GALK2: variants seen among roughly 807,000 people sequenced by gnomAD.
The protein encoded by GALK2 is N-acetylgalactosamine kinase.
Under a neutral mutation model 52.4 loss-of-function variants are expected in GALK2, and 36 were observed. That is an observed-to-expected ratio of 0.69 (90% CI 0.53 to 0.91). The LOEUF (loss-of-function observed/expected upper bound fraction) is 0.91, where lower values mean the gene tolerates loss of function less well. Ranked by LOEUF, GALK2 falls within the 40% of genes least tolerant of loss-of-function variation. The pLI, the probability that GALK2 is intolerant of heterozygous loss-of-function variation, is 0.00. For synonymous variants in GALK2, 176 were observed against 199.1 expected, an observed-to-expected ratio of 0.88 and a Z score of 0.98; for missense variants, 579 against 559.1, an observed-to-expected ratio of 1.04 and a Z score of -0.36.
intron 3 of GALK2, among the ~76,000 whole-genome samples, chr15:49,220,764 A>G (rs2089737980): frequency 6.6e-6 from 1 of 152,142 alleles, no homozygotes; most frequent in Non-Finnish European, 1.5e-5. Flanking sequence ...TCTTATTAGT[A>G]ATAGCCATTC....
chr15:49,355,307 A>G (rs1372542786), intron 3 of GALK2, among the ~76,000 whole-genome samples: 1 of 152,220 alleles, frequency 6.6e-6, no homozygotes, highest in Admixed American at 6.5e-5. Context: ...ACGGGAGGAC[A>G]TTCAAACCAA....
At chr15:49,189,506 A>G (rs539682070) in intron 1 of GALK2, among the ~76,000 whole-genome samples, 3 of 152,318 alleles carry the variant, frequency 2.0e-5, no homozygotes, top group East Asian at 3.9e-4. Context: ...ATAAATACCT[A>G]TGATAAAGTT....
intron 8 of GALK2, chr15:49,318,015 AC>A (rs1028754556): frequency 3.3e-5 from 5 of 152,104 alleles, no homozygotes; most frequent in Non-Finnish European, 5.9e-5. Flanking sequence ...TATGTAACAA[AC>A]CTGCACATTC....
intron 1 of GALK2, among the ~76,000 whole-genome samples, chr15:49,178,158 A>C (rs1595891473): frequency 9.2e-6 from 1 of 109,164 alleles, no homozygotes; most frequent in African/African-American, 3.6e-5. Context: ...ACAGAGCAAG[A>C]CTCTGTTTCA....
intron 3 of GALK2, among the ~76,000 whole-genome samples, chr15:49,347,707 A>G (rs186747652): frequency 3.5e-4 from 53 of 152,312 alleles, no homozygotes; most frequent in Admixed American, 2.9e-3. Flanking sequence ...ATAACCTTCA[A>G]TGAAAACTTC....
chr15:49,243,726 G>A (rs192876401), intron 5 of GALK2, among the ~76,000 whole-genome samples: 3 of 152,080 alleles, frequency 2.0e-5, no homozygotes, highest in Admixed American at 2.0e-4. Context: ...AAAAGAAAAT[G>A]TTAAGTCCTT....
intron 3 of GALK2, among the ~76,000 whole-genome samples, chr15:49,360,288 G>T (rs576011767): frequency 6.6e-6 from 1 of 151,670 alleles, no homozygotes; most frequent in South Asian, 2.1e-4. Context: ...GGGAGCATGT[G>T]TTTATAGTAA....
chr15:49,287,314 T>C lies in GALK2; in HGVS notation c.756+3596T>C, dbSNP rs546206696. On this transcript the variant is annotated intron_variant, in intron 7 of 9. Transcript: ENST00000560031. ...TACTCTGAATTTTTCTCTTTTAAAA[T>C]GTGGAAGAAAGAAAAATGAAAGACT... Among the ~76,000 whole-genome samples, 138 of 152,254 alleles carry C rather than the reference T, an allele frequency of 9.1e-4. 5 individuals carry two copies. The South Asian group carries it at 0.027, about 30-fold the overall frequency.
rs576014626 is a variant in GALK2, at chr15:49,160,312, A to G, written c.20+4296A>G. Among the ~76,000 whole-genome samples, 5 of 152,272 alleles carry G rather than the reference A, an allele frequency of 3.3e-5. No homozygotes were observed. In the East Asian group the frequency reaches 9.6e-4, roughly 29 times the overall value. On this transcript the variant is annotated intron_variant, in intron 1 of 9. Coordinates refer to the GALK2 transcript ENST00000327171. ...AAAAGATTAATAATAATTCCCTATC[A>G]TTCAATATCCAGTCTATATTCAAAA...
rs1229138837 is a variant in GALK2, at chr15:49,330,956, G to A, written c.*2797G>A. 1 of 152,140 alleles carries A rather than the reference G, an allele frequency of 6.6e-6. No homozygotes were observed. The highest frequency in any genetic ancestry group is 2.1e-4 in the South Asian group (1 of 4,814). 9.4% of individuals were successfully genotyped at this position (152,140 alleles called of 1,614,324 possible). On this transcript the variant is annotated 3_prime_UTR_variant, in exon 10 of 10. Transcript: ENST00000560031. ...GAGACAGGTGACAGAGTGAGACCCT[G>A]TTTCAACAACAACAACAAAAATGAA...
At chr15:49,315,935 C>T (rs1256293546) in intron 8 of GALK2, among the ~76,000 whole-genome samples, 1 of 151,996 alleles carries the variant, frequency 6.6e-6, no homozygotes, top group Non-Finnish European at 1.5e-5. Context: ...AATATTTAAT[C>T]CTAAAATAAA....
intron 5 of GALK2, among the ~76,000 whole-genome samples, chr15:49,259,563 C>T (rs1157591220): frequency 6.8e-6 from 1 of 146,154 alleles, no homozygotes; most frequent in Non-Finnish European, 1.5e-5. Flanking sequence ...TGTATATGTG[C>T]CACATTTTCT....
intron 2 of GALK2, among the ~76,000 whole-genome samples, chr15:49,202,988 T>C (rs567880293): frequency 1.9e-4 from 29 of 152,324 alleles, no homozygotes; most frequent in African/African-American, 6.5e-4. Flanking sequence ...GTAAGTCATT[T>C]GTATGTCTTC....
At position 49,292,484 on chromosome 15, in the gene GALK2, G is replaced by A; in HGVS notation, c.914G>A (p.Gly305Glu). ...YNPEEICRCLGISLEELRTQI... is the reference protein window; with the variant it reads ...YNPEEICRCLEISLEELRTQI... ...CCTGAGGAGATCTGCAGGTGTCTGG[G>A]AATTAGCCTGGAGGAACTCCGAACC... The change falls in exon 8 of 10, where the codon GGA becomes GAA. Residue 305 changes from glycine (G) to glutamate (E), a missense_variant. Physicochemically the swap from Gly to Glu is moderately conservative, Grantham distance 98. Transcript: ENST00000560031. 2 of 1,614,004 alleles carry A rather than the reference G, an allele frequency of 1.2e-6. No individual in the cohort carries two copies. Among genetic ancestry groups the A allele is most frequent in the Non-Finnish European group, 8.5e-7 (1 of 1,179,966 alleles).
intron 5 of GALK2, among the ~76,000 whole-genome samples, chr15:49,264,216 G>C (rs921560349): frequency 2.0e-5 from 3 of 151,736 alleles, no homozygotes; most frequent in African/African-American, 7.3e-5. Context: ...CCAATCAGAC[G>C]TAGATTTGGT....
chr15:49,282,588 G>T (rs1441582804), intron 6 of GALK2, among the ~76,000 whole-genome samples: 1 of 152,118 alleles, frequency 6.6e-6, no homozygotes, highest in Non-Finnish European at 1.5e-5. Flanking sequence ...AAAGAATGTT[G>T]CCAGTAAGCC....
In GALK2 at chr15:49,201,250, G is replaced by A. The variant is rs1355112245; in HGVS notation, c.142G>A (p.Gly48Arg). ...VRAPGRVNII[G>R]EHIDYCGYSV... is the part of the protein sequence containing the mutation. ...AGCACCAGGAAGAGTCAACATAATA[G>A]GTATTTCAAAAGTTCCTTCTCTTAA... The change falls in exon 2 of 10, where the codon GGA (glycine) becomes AGA (arginine). Residue 48 changes from glycine (G) to arginine (R), a missense_variant and splice_region_variant. Transcript: ENST00000560031. 1.3e-6 allele frequency: 2 copies of A among 1,570,714 alleles called. No homozygotes were observed. Among genetic ancestry groups the A allele is most frequent in the East Asian group, 2.3e-5 (1 of 44,238 alleles).
At chr15:49,279,588 G>C (rs1168381150) in intron 5 of GALK2, among the ~76,000 whole-genome samples, 1 of 152,136 alleles carries the variant, frequency 6.6e-6, no homozygotes, top group African/African-American at 2.4e-5. Context: ...TTGTTTGGAG[G>C]TTTGAAGGAG....
intron 8 of GALK2, chr15:49,318,261 A>G (rs2036582058): frequency 6.6e-6 from 1 of 152,298 alleles, no homozygotes; most frequent in East Asian, 1.9e-4. Context: ...GCAATATACC[A>G]TGTTTCTGTA....
Sources: gnomAD v4.1 joint callset for allele counts (sites outside exome capture counted in the v4.1 genomes callset) on GRCh38, gnomAD v4.1.1 for gene constraint, MANE v1.5 for transcripts, NCBI Gene and HGNC (gene_info 2026-07-23, HGNC 2026-07-21) for gene names.